The following SNX2 variants were observed in gnomAD, a reference collection of about 807,000 sequenced individuals.
SNX2 encodes sorting nexin 2.
A neutral mutation model predicts 69.9 loss-of-function variants in SNX2; 25 were observed. The observed-to-expected ratio is 0.36, with a 90% CI of 0.26 to 0.50. SNX2 has a LOEUF of 0.50. Ranked by LOEUF, SNX2 falls within the 20% of genes least tolerant of loss-of-function variation. The pLI is 0.97. For missense variants in SNX2, 551 were observed against 613.3 expected, an observed-to-expected ratio of 0.90 and a Z score of 1.07; for synonymous variants, 229 against 200.4, an observed-to-expected ratio of 1.14 and a Z score of -1.20.
intron 1 of SNX2, among the ~76,000 whole-genome samples, chr5:122,787,257 C>A (rs1467066773): frequency 6.6e-6 from 1 of 152,122 alleles, no homozygotes; most frequent in Non-Finnish European, 1.5e-5. Context: ...TGGTGGCTCA[C>A]GCCTGTAATC....
chr5:122,778,488 AT>A (rs982809630), intron 1 of SNX2, among the ~76,000 whole-genome samples: 11 of 151,962 alleles, frequency 7.2e-5, no homozygotes, highest in African/African-American at 2.7e-4. Context: ...AGCATTTGTT[AT>A]TTTTTGACTT....
intron 7 of SNX2, among the ~76,000 whole-genome samples, chr5:122,815,130 G>A (rs940699570): frequency 1.3e-5 from 2 of 152,144 alleles, no homozygotes; most frequent in African/African-American, 4.8e-5. Context: ...ATGAAGTCAT[G>A]ATTGGTAATT....
chr5:122,776,243 C>G (rs1561435159), intron 1 of SNX2, among the ~76,000 whole-genome samples: 1 of 152,072 alleles, frequency 6.6e-6, no homozygotes, highest in Non-Finnish European at 1.5e-5. Context: ...GTAAAATATC[C>G]ATTATCTGAA....
chr5:122,816,324 C>T (rs951542779), intron 8 of SNX2, among the ~76,000 whole-genome samples: 2 of 152,106 alleles, frequency 1.3e-5, no homozygotes, highest in African/African-American at 4.8e-5. Context: ...ATTTGCTTGT[C>T]TACATTTTGG....
At chr5:122,806,142 G>GCGCACGCGCGCGCACACACACA in intron 6 of SNX2, among the ~76,000 whole-genome samples, 17 of 130,580 alleles carry the variant, frequency 1.3e-4, no homozygotes, top group Admixed American at 3.8e-4. Flanking sequence ...ACACGCGCGC[G>GCGCACGCGCGCGCACACACACA]CACACACACA....
chr5:122,811,960 A>C (rs534771693), intron 7 of SNX2, among the ~76,000 whole-genome samples: 1 of 152,332 alleles, frequency 6.6e-6, no homozygotes, highest in East Asian at 1.9e-4. Flanking sequence ...CAAATCAAAG[A>C]GTTTGGAGTA....
At chr5:122,803,698 T>TTAGTTAGTTAGTTAGTTAGTC (rs1171746783) in intron 6 of SNX2, 85 bp downstream of exon 6, 41 of 1,023,242 alleles carry the variant, frequency 4.0e-5, no homozygotes, top group Non-Finnish European at 5.7e-5. Flanking sequence ...TTCTTAGTCA[T>TTAGTTAGTTAGTTAGTTAGTC]TCACTGTCAA....
chr5:122,819,416 G>A (rs1255702865), intron 11 of SNX2, among the ~76,000 whole-genome samples: 1 of 152,128 alleles, frequency 6.6e-6, no homozygotes, highest in East Asian at 1.9e-4. Context: ...TTATTGCAGT[G>A]AATATGTTTA....
intron 6 of SNX2, among the ~76,000 whole-genome samples, chr5:122,805,030 G>A (rs1753604919): frequency 1.3e-5 from 2 of 151,942 alleles, no homozygotes. Context: ...GGTGGCTCAT[G>A]CCTGTAATCT....
intron 11 of SNX2, among the ~76,000 whole-genome samples, chr5:122,825,425 T>C (rs899597384): frequency 4.6e-5 from 7 of 152,066 alleles, no homozygotes; most frequent in Non-Finnish European, 8.8e-5. Context: ...GGTTGACTTA[T>C]TGTATTAGGA....
intron 6 of SNX2, among the ~76,000 whole-genome samples, chr5:122,807,669 C>G (rs368389230): frequency 3.9e-5 from 6 of 152,318 alleles, no homozygotes; most frequent in African/African-American, 1.4e-4. Flanking sequence ...ATTGCCCTTA[C>G]AGAAGTAATT....
At chr5:122,826,265 A>G (rs1230353705) in intron 12 of SNX2, 72 bp downstream of exon 12, 17 of 1,334,130 alleles carry the variant, frequency 1.3e-5, no homozygotes, top group African/African-American at 2.1e-5. Flanking sequence ...AATTTTTCAT[A>G]ATTTTTTGTA....
At chr5:122,817,675 G>A (rs1362301872) in intron 10 of SNX2, among the ~76,000 whole-genome samples, 1 of 152,022 alleles carries the variant, frequency 6.6e-6, no homozygotes, top group East Asian at 1.9e-4. Flanking sequence ...TTGGTCACTT[G>A]ATTAACTTTT....
rs1753474154 is a variant in SNX2 at position 122,800,037 on chromosome 5, T to A, written c.390+182T>A. On this transcript the variant is annotated intron_variant, in intron 3 of 14. Transcript: ENST00000379516. ...CCCACTCTACCCAGTGACCTGGGCA[T>A]ATCATTTACCTTGTTAAGTGAAGGA... Among the ~76,000 whole-genome samples the A allele has an allele frequency of 2.6e-5, 4 of 152,330 alleles. No individual in the cohort carries two copies. The South Asian group carries it at 8.3e-4, about 32-fold the overall frequency.
chr5:122,775,064 C>G (rs548420493), upstream of SNX2: 5 of 1,547,698 alleles, frequency 3.2e-6, no homozygotes, highest in Admixed American at 6.0e-5. Context: ...CGTGACGGGT[C>G]CGCGAGGCCC....
intron 10 of SNX2, among the ~76,000 whole-genome samples, chr5:122,817,619 T>TA (rs562503560): frequency 6.0e-5 from 9 of 151,160 alleles, no homozygotes; most frequent in Non-Finnish European, 1.2e-4. Flanking sequence ...AGATGTGAGC[T>TA]AAAAAAAAGA....
chr5:122,810,650 A>G (rs1287768695), intron 7 of SNX2, among the ~76,000 whole-genome samples: 1 of 152,184 alleles, frequency 6.6e-6, no homozygotes. Flanking sequence ...AGTACTTACC[A>G]TACCTTCATG....
intron 7 of SNX2, among the ~76,000 whole-genome samples, chr5:122,810,455 G>A (rs898434273): frequency 2.0e-5 from 3 of 148,474 alleles, no homozygotes; most frequent in South Asian, 2.1e-4. Flanking sequence ...CCTTGATTTC[G>A]CTTAGTCTTT....
At chr5:122,796,980 T>C (rs1753396173) in intron 2 of SNX2, among the ~76,000 whole-genome samples, 1 of 152,166 alleles carries the variant, frequency 6.6e-6, no homozygotes, top group African/African-American at 2.4e-5. Flanking sequence ...CAAGCTGGAG[T>C]ATAGCCATGC....
Sources: gnomAD v4.1 joint callset for allele counts (sites outside exome capture counted in the v4.1 genomes callset) on GRCh38, gnomAD v4.1.1 for gene constraint, MANE v1.5 for transcripts, NCBI Gene and HGNC (gene_info 2026-07-23, HGNC 2026-07-21) for gene names.